IGSF22: variants seen among roughly 807,000 people sequenced by gnomAD.
IGSF22 encodes the protein immunoglobulin superfamily, member 22.
IGSF22 carries 119 observed loss-of-function variants against 127.0 expected under a neutral mutation model. The ratio of observed to expected loss-of-function variants is 0.94; its 90% CI spans 0.81 to 1.09. IGSF22 has a LOEUF of 1.09. Among genes scored for constraint, IGSF22 ranks in the 50% least tolerant of loss-of-function variants. The probability of loss-of-function intolerance (pLI) is 0.00; values close to 1 mark genes in which losing one functional copy is unlikely to be tolerated. For missense variants in IGSF22, 1,518 were observed against 1,716.6 expected, an observed-to-expected ratio of 0.88 and a Z score of 2.04; for synonymous variants, 568 against 664.7, an observed-to-expected ratio of 0.85 and a Z score of 2.24.
At position 18,719,758 on chromosome 11, in the gene IGSF22, C is replaced by G. The variant is rs1327056942; in HGVS notation, c.654G>C (p.Leu218=). Residue 218 remains leucine (L), a synonymous_variant, in exon 7 of 23, where the codon CTG becomes CTC. Transcript: ENST00000513874. The part of the protein sequence containing the change: ...MEYGFTDFRG[L]LRKLKEMKKK... Reference sequence around the variant, plus strand: ...TCTTCATCTCTTTGAGCTTCCTGAGCAGCCCCCGAAAGTCGGTGAAACCAT... The same window carrying G: ...TCTTCATCTCTTTGAGCTTCCTGAGGAGCCCCCGAAAGTCGGTGAAACCAT... 5.6e-6 allele frequency: 9 copies of G among 1,614,176 alleles called. No individual in the cohort carries two copies. The highest frequency in any genetic ancestry group is 7.6e-6 in the Non-Finnish European group (9 of 1,180,036).
In IGSF22 at chr11:18,716,740, G is replaced by C. The variant is rs2134165326; in HGVS notation, c.1234C>G (p.Leu412Val). The C allele has an allele frequency of 6.2e-7, 1 of 1,614,088 alleles. No homozygotes were observed. Among genetic ancestry groups the C allele is most frequent in the Non-Finnish European group, 8.5e-7 (1 of 1,179,940 alleles). Residue 412 changes from leucine to valine, a missense_variant, in exon 10 of 23, where the codon CTC becomes GTC. By Grantham distance (32) the Leu-to-Val change is conservative (BLOSUM62 1). Around this residue, in one of 3 missense-constraint regions of IGSF22, gnomAD observed 1,456 missense variants for 1,644.9 expected, o/e 0.89. Transcript: ENST00000513874. This position sits in a 1 kb window ranked among gnomAD's most constrained non-coding sequence, Gnocchi z 4.5. ...CCCAACCACTCACGGTCAACAGTGAGCTGGGCCTTTTGTACCAGGTTCCCC... is the reference window on the plus strand; with the variant it reads ...CCCAACCACTCACGGTCAACAGTGACCTGGGCCTTTTGTACCAGGTTCCCC... ...EAGNLVQKAQ[L>V]TVDRIPIKFV...
rs1173666971 is a variant in IGSF22 at position 18,722,008 on chromosome 11, A to G, written c.143T>C (p.Val48Ala). The G allele has an allele frequency of 1.2e-6, 2 of 1,614,068 alleles. No individual in the cohort carries two copies. Among genetic ancestry groups the G allele is most frequent in the East Asian group, 4.5e-5 (2 of 44,874 alleles). Residue 48 changes from valine (V) to alanine (A), a missense_variant, in exon 3 of 23, where the codon GTG becomes GCG. Physicochemically the swap from Val to Ala is moderately conservative, Grantham distance 64. Around this residue, in one of 3 missense-constraint regions of IGSF22, gnomAD observed 1,456 missense variants for 1,644.9 expected, o/e 0.89. Coordinates refer to ENST00000513874, the MANE Select transcript of IGSF22 (RefSeq NM_173588.4). Reference sequence around the variant, plus strand: ...CCGGGTCACTAAGCTGAAGAACTCCACTATGCTCGAGGACTTCCTCCTCAC... The same window carrying G: ...CCGGGTCACTAAGCTGAAGAACTCCGCTATGCTCGAGGACTTCCTCCTCAC... ...EVVRRKSSSI[V>A]EFFSLVTRSS...
intron 9 of IGSF22, among the ~76,000 whole-genome samples, chr11:18,717,700 G>C (rs1848487710): frequency 6.6e-6 from 1 of 152,068 alleles, no homozygotes. Flanking sequence ...GCCTGGCCTA[G>C]AGTCTATGTT....
At position 18,719,623 on chromosome 11, in the gene IGSF22, G is replaced by A; in HGVS notation, c.696+93C>T. 2 of 1,279,174 alleles carry A rather than the reference G, an allele frequency of 1.6e-6. 1 individual carries two copies. Among genetic ancestry groups the A allele is most frequent in the Middle Eastern group, 4.3e-4 (2 of 4,616 alleles). The allele number at this position is 1,279,174 out of a possible 1,614,324, so 79.2% of individuals were successfully genotyped here. A position where few individuals can be genotyped will look rare whatever the true frequency, so the allele number is the denominator to read the frequency against. On this transcript the variant is annotated intron_variant, in intron 7 of 22. Transcript: ENST00000513874. ...CTGAGTATGTGTGTGCAGAACTGGG[G>A]AGACCTTCTTGCTGAGAAATACACA...
intron 14 of IGSF22, among the ~76,000 whole-genome samples, chr11:18,712,869 C>T (rs190160080): frequency 6.6e-6 from 1 of 152,310 alleles, no homozygotes; most frequent in Non-Finnish European, 1.5e-5. Flanking sequence ...ACTTTCCCAT[C>T]CCAGAGCTCG....
chr11:18,723,441 A>C (rs1047853143), intron 2 of IGSF22, among the ~76,000 whole-genome samples: 4 of 151,952 alleles, frequency 2.6e-5, no homozygotes, highest in African/African-American at 9.7e-5. Context: ...TCTGGCCTTG[A>C]CCTCTGTGCA....
chr11:18,714,976 A>G (rs1344723696), intron 11 of IGSF22, among the ~76,000 whole-genome samples: 12 of 152,000 alleles, frequency 7.9e-5, no homozygotes, highest in Admixed American at 2.0e-4. Flanking sequence ...GCAGGTGGTT[A>G]CTGGAGTTGG....
chr11:18,713,459 C>T (rs1053679340), intron 14 of IGSF22, among the ~76,000 whole-genome samples: 1 of 152,176 alleles, frequency 6.6e-6, no homozygotes, highest in South Asian at 2.1e-4. Flanking sequence ...CTATAGCCAC[C>T]GTGTCTGGCA....
chr11:18,718,186 G>T, intron 8 of IGSF22, 93 bp from the exon 9 acceptor site: 1 of 1,188,484 alleles, frequency 8.4e-7, no homozygotes. Context: ...AAGCTGGAGG[G>T]TGCATGTCCA....
rs762362968 is a variant in IGSF22 at position 18,710,847 on chromosome 11, G to T, written c.2399-19C>A. ...GGAGGCTCTGTGGGGGAAAGAGAGA[G>T]TGCAAAGGTTAGGAGGGGGAGCATG... On this transcript the variant is annotated intron_variant, in intron 15 of 22. Coordinates refer to ENST00000513874, the MANE Select transcript of IGSF22 (RefSeq NM_173588.4). The T allele has an allele frequency of 6.2e-7, 1 of 1,602,498 alleles. No homozygotes were observed.
At position 18,716,272 on chromosome 11, in the gene IGSF22, C is replaced by T. The variant is rs565797537; in HGVS notation, c.1246+456G>A. Among the ~76,000 whole-genome samples the T allele has an allele frequency of 5.9e-5, 9 of 152,280 alleles. No individual in the cohort carries two copies. Among genetic ancestry groups the T allele is most frequent in the Non-Finnish European group, 1.5e-5 (1 of 68,034 alleles). On this transcript the variant is annotated intron_variant, in intron 10 of 22. Coordinates refer to ENST00000513874, the MANE Select transcript of IGSF22 (RefSeq NM_173588.4). The surrounding 1 kb of genome is among the most constrained non-coding windows in gnomAD (Gnocchi z 4.5). ...TTGGTCTTCTACAGCCCTTGTGTCT[C>T]CCTCCATCACAGCAATGATGATTCC...
intron 9 of IGSF22, 112 bp downstream of exon 9, chr11:18,717,819 T>A: frequency 8.2e-7 from 1 of 1,223,288 alleles, no homozygotes; most frequent in East Asian, 2.3e-5. Flanking sequence ...CAATCCTTTC[T>A]TGCACAGTCC....
At chr11:18,720,517 T>A (rs969960851) in intron 4 of IGSF22, among the ~76,000 whole-genome samples, 1 of 152,198 alleles carries the variant, frequency 6.6e-6, no homozygotes, top group Non-Finnish European at 1.5e-5. Context: ...TGCTTCTCCA[T>A]CGGACTCTCC....
In IGSF22 at chr11:18,717,991, C is replaced by G. The variant is rs1848493070; in HGVS notation, c.913G>C (p.Ala305Pro). 2 of 1,614,264 alleles carry G rather than the reference C, an allele frequency of 1.2e-6. No homozygotes were observed. Among genetic ancestry groups the G allele is most frequent in the Non-Finnish European group, 1.7e-6 (2 of 1,180,056 alleles). ...LVISNVNMND[A>P]GIYSLSVGDK... is the part of the protein sequence containing the mutation. ...CCCACGGACAGGCTGTAGATGCCAGCATCGTTCATGTTCACGTTGCTAATA... is the reference window on the plus strand; with the variant it reads ...CCCACGGACAGGCTGTAGATGCCAGGATCGTTCATGTTCACGTTGCTAATA... Residue 305 changes from alanine to proline, a missense_variant, in exon 9 of 23, where the codon GCT becomes CCT. Physicochemically the swap from Ala to Pro is conservative, Grantham distance 27. Around this residue, in one of 3 missense-constraint regions of IGSF22, gnomAD observed 1,456 missense variants for 1,644.9 expected, o/e 0.89. Coordinates refer to ENST00000513874, the MANE Select transcript of IGSF22 (RefSeq NM_173588.4).
At chr11:18,707,533 G>T in intron 20 of IGSF22, 1 of 540,174 alleles carries the variant, frequency 1.9e-6, no homozygotes, top group Non-Finnish European at 3.2e-6. Flanking sequence ...TGGGGGTTTA[G>T]AGCTTTATTT....
rs1848247066 is a variant in IGSF22, at chr11:18,706,917, G to A, written c.3577C>T (p.Gln1193Ter). 4.0e-6 allele frequency: 6 copies of A among 1,505,700 alleles called. No individual in the cohort carries two copies. In the East Asian group the frequency reaches 1.5e-4, roughly 37 times the overall value. The allele number at this position is 1,505,700 out of a possible 1,614,324, so 93.3% of individuals were successfully genotyped here. The change falls in exon 21 of 23, where the codon CAG becomes TAG. Residue 1193 changes from glutamine (Q) to a stop codon, truncating the protein, a stop_gained. Coordinates refer to ENST00000513874, the MANE Select transcript of IGSF22 (RefSeq NM_173588.4). LOFTEE classifies it high-confidence loss of function. ...SRDTWLINKD[Q>*]IQDLSAKLKP... ...TAACTGCAAGTCCCAGACTCACTCTGGTCCTTATTGATGAGCCAGGTGTCC... is the reference window on the plus strand; with the variant it reads ...TAACTGCAAGTCCCAGACTCACTCTAGTCCTTATTGATGAGCCAGGTGTCC...
chr11:18,714,748 T>A (rs955494418), intron 11 of IGSF22, 124 bp from the exon 12 acceptor site: 7 of 1,269,594 alleles, frequency 5.5e-6, no homozygotes, highest in Non-Finnish European at 7.4e-6. Flanking sequence ...AAATAATTTA[T>A]GATGAGCAGG....
rs370998366 is a variant in IGSF22 at position 18,704,818 on chromosome 11, T to C, written c.3911-280A>G. 14 of 377,492 alleles carry C rather than the reference T, an allele frequency of 3.7e-5. No individual in the cohort carries two copies. In the Middle Eastern group the frequency reaches 2.5e-3, roughly 68 times the overall value. The allele number at this position is 377,492 out of a possible 1,614,324, so 23.4% of individuals were successfully genotyped here. ...AGGTAGCTTACTAAGGTCACATGGCTGGTCAGTGGCAGAGCCAGGGCCCTG... is the reference window on the plus strand; with the variant it reads ...AGGTAGCTTACTAAGGTCACATGGCCGGTCAGTGGCAGAGCCAGGGCCCTG... On this transcript the variant is annotated intron_variant, in intron 22 of 22. Coordinates refer to ENST00000513874, the MANE Select transcript of IGSF22 (RefSeq NM_173588.4).
At chr11:18,720,164 C>T in intron 5 of IGSF22, 22 bp downstream of exon 5, 2 of 1,613,738 alleles carry the variant, frequency 1.2e-6, no homozygotes, top group Non-Finnish European at 1.7e-6. Context: ...GAAGAAAGGC[C>T]AAGAGGAAGG....
Sources: gnomAD v4.1 joint callset for allele counts (sites outside exome capture counted in the v4.1 genomes callset) on GRCh38, gnomAD v4.1.1 for gene constraint, gnomAD v4.1.1 regional missense constraint, Gnocchi (gnomAD v3.1) non-coding constraint, MANE v1.5 for transcripts, NCBI Gene and HGNC (gene_info 2026-07-23, HGNC 2026-07-21) for gene names.